DLGAP2: variants seen among roughly 807,000 people sequenced by gnomAD.
The protein encoded by DLGAP2 is disks large-associated protein 2.
DLGAP2 carries 26 observed loss-of-function variants against 100.3 expected under a neutral mutation model. The observed-to-expected ratio is 0.26, with a 90% confidence interval of 0.19 to 0.36. DLGAP2 has a LOEUF of 0.36. Among genes scored for constraint, DLGAP2 ranks in the 10% least tolerant of loss-of-function variants. The pLI is 1.00. For missense variants in DLGAP2, 1,858 were observed against 1,453.2 expected (o/e 1.28, Z -4.53); for synonymous variants, 886 against 630.1 (o/e 1.41, Z -6.08).
At chr8:1,173,561 G>C (rs1206521787) in intron 2 of DLGAP2, among the ~76,000 whole-genome samples, 1 of 152,182 alleles carries the variant, frequency 6.6e-6, no homozygotes, top group Admixed American at 6.5e-5. Flanking sequence ...CGGTTGCTTT[G>C]TTTACCTAAG....
intron 2 of DLGAP2, among the ~76,000 whole-genome samples, chr8:1,057,241 G>T (rs1446746382): frequency 6.6e-6 from 1 of 152,174 alleles, no homozygotes; most frequent in Non-Finnish European, 1.5e-5. Context: ...ATTAACATAG[G>T]TTATTAAGAA....
At chr8:1,692,996 A>G (rs1697934630) in intron 13 of DLGAP2, among the ~76,000 whole-genome samples, 1 of 148,312 alleles carries the variant, frequency 6.7e-6, no homozygotes, top group African/African-American at 2.5e-5. Flanking sequence ...GATGTATACA[A>G]GATTATAATC....
At chr8:1,266,751 G>A (rs1424597480) in intron 3 of DLGAP2, among the ~76,000 whole-genome samples, 1 of 152,088 alleles carries the variant, frequency 6.6e-6, no homozygotes, top group Non-Finnish European at 1.5e-5. Flanking sequence ...GACCCAGTGT[G>A]TGTATATGTG....
intron 3 of DLGAP2, among the ~76,000 whole-genome samples, chr8:1,329,329 C>T (rs1297982981): frequency 6.6e-6 from 1 of 152,136 alleles, no homozygotes; most frequent in Non-Finnish European, 1.5e-5. Flanking sequence ...AAATTTCTGG[C>T]TGATTGAGAT....
chr8:1,061,879 C>T (rs1229043306), intron 2 of DLGAP2, among the ~76,000 whole-genome samples: 1 of 152,006 alleles, frequency 6.6e-6, no homozygotes, highest in African/African-American at 2.4e-5. Context: ...CGGGGCCCCT[C>T]CGAGCACCCT....
chr8:983,714 C>G (rs75646270), intron 2 of DLGAP2, among the ~76,000 whole-genome samples: 10,229 of 152,098 alleles, frequency 0.067, 481 homozygotes, highest in Admixed American at 0.13. Context: ...GTGATCGTGG[C>G]TCACTGTGGC....
At chr8:954,427 C>T (rs187648943) in intron 2 of DLGAP2, among the ~76,000 whole-genome samples, 19 of 152,242 alleles carry the variant, frequency 1.2e-4, no homozygotes, top group Admixed American at 1.0e-3. Flanking sequence ...TGTTCACGGA[C>T]GCAGTATCTG....
At chr8:763,789 G>C (rs1821145303) in intron 1 of DLGAP2, among the ~76,000 whole-genome samples, 1 of 152,152 alleles carries the variant, frequency 6.6e-6, no homozygotes, top group Non-Finnish European at 1.5e-5. Context: ...CTTGGTGGTA[G>C]AATTTAAAAA....
At chr8:1,220,963 C>G (rs1226510317) in intron 2 of DLGAP2, among the ~76,000 whole-genome samples, 1 of 152,144 alleles carries the variant, frequency 6.6e-6, no homozygotes, top group Non-Finnish European at 1.5e-5. Context: ...AGATCTTTCT[C>G]CATACATTTA....
At chr8:1,129,070 G>A (rs1324751888) in intron 2 of DLGAP2, among the ~76,000 whole-genome samples, 1 of 152,164 alleles carries the variant, frequency 6.6e-6, no homozygotes, top group Non-Finnish European at 1.5e-5. Context: ...ATGGTCCTCT[G>A]TCGCTTTTGT....
Position 1,198,768 on chromosome 8 carries a change from G to A in DLGAP2, c.74-60083G>A, listed in dbSNP as rs114244489. Among the ~76,000 whole-genome samples, 813 of 152,338 alleles carry A rather than the reference G, an allele frequency of 5.3e-3. 9 individuals carry two copies. The highest frequency in any genetic ancestry group is 0.018 in the African/African-American group (749 of 41,586). On this transcript the variant is annotated intron_variant, in intron 2 of 14. Coordinates refer to ENST00000637795, the MANE Select transcript of DLGAP2 (RefSeq NM_001346810.2). ...TCCTTTGGCAAGACCACACCTGAAC[G>A]ATGCTTCCCCTTTCCCTCGGGAGTG...
intron 7 of DLGAP2, among the ~76,000 whole-genome samples, chr8:1,629,359 G>T (rs557043143): frequency 6.6e-5 from 10 of 152,154 alleles, no homozygotes; most frequent in Non-Finnish European, 1.2e-4. Flanking sequence ...AGGAAAGACC[G>T]TCCCTAGCCC....
chr8:793,618 C>T (rs1181555785), intron 1 of DLGAP2, among the ~76,000 whole-genome samples: 3 of 152,170 alleles, frequency 2.0e-5, no homozygotes, highest in Non-Finnish European at 2.9e-5. Flanking sequence ...CTGAGACTTC[C>T]TGGACTTGTT....
intron 3 of DLGAP2, among the ~76,000 whole-genome samples, chr8:1,362,199 G>A (rs1188938383): frequency 1.3e-5 from 2 of 152,128 alleles, no homozygotes; most frequent in Non-Finnish European, 2.9e-5. Flanking sequence ...GGCGGCCGAG[G>A]TGGCAGCGAG....
chr8:860,660 T>C (rs1173042293), intron 1 of DLGAP2, among the ~76,000 whole-genome samples: 1 of 152,222 alleles, frequency 6.6e-6, no homozygotes, highest in East Asian at 1.9e-4. Context: ...TTTTATTTAT[T>C]GGCAAAAAAT....
At chr8:1,488,454 A>G (rs1208174817) in intron 3 of DLGAP2, among the ~76,000 whole-genome samples, 2 of 152,174 alleles carry the variant, frequency 1.3e-5, no homozygotes, top group Non-Finnish European at 2.9e-5. Flanking sequence ...TTGAGCACCC[A>G]AAAGAGGCAT....
At chr8:1,054,191 C>T (rs747244127) in intron 2 of DLGAP2, among the ~76,000 whole-genome samples, 2 of 150,934 alleles carry the variant, frequency 1.3e-5, no homozygotes, top group Non-Finnish European at 3.0e-5. Context: ...CACATGTACA[C>T]GCACGCACAC....
At chr8:1,122,152 T>A (rs1358743525) in intron 2 of DLGAP2, among the ~76,000 whole-genome samples, 2 of 152,160 alleles carry the variant, frequency 1.3e-5, no homozygotes, top group Non-Finnish European at 2.9e-5. Context: ...CAGGTTCCGG[T>A]CTTGTTTATG....
At chr8:913,159 T>C (rs780705046) in intron 2 of DLGAP2, among the ~76,000 whole-genome samples, 1 of 152,242 alleles carries the variant, frequency 6.6e-6, no homozygotes, top group Non-Finnish European at 1.5e-5. Context: ...GCCTACAGGT[T>C]GGCAGACCTA....
Sources: allele counts gnomAD v4.1 joint callset (sites outside exome capture counted in the v4.1 genomes callset), GRCh38; gene constraint gnomAD v4.1.1; transcripts MANE v1.5; gene names NCBI Gene and HGNC (gene_info 2026-07-23, HGNC 2026-07-21).